MLIP: variants seen among roughly 807,000 people sequenced by gnomAD.
The protein encoded by MLIP is muscular LMNA interacting protein.
In MLIP, 79 loss-of-function variants were observed where a neutral mutation model predicts 84.8. The ratio of observed to expected loss-of-function variants is 0.93; its 90% CI spans 0.78 to 1.12. The LOEUF is 1.12. Ranked by LOEUF, MLIP falls within the 50% of genes most tolerant of loss-of-function variation. MLIP has a pLI of 0.00. For synonymous variants in MLIP, 504 were observed against 463.0 expected, an observed-to-expected ratio of 1.09 and a Z score of -1.14; for missense variants, 1,257 against 1,160.6, an observed-to-expected ratio of 1.08 and a Z score of -1.21.
intron 11 of MLIP, chr6:54,218,132 T>G: frequency 3.3e-6 from 1 of 301,424 alleles, no homozygotes; most frequent in Non-Finnish European, 4.9e-6. Context: ...GGGATATGTT[T>G]TGAGAAATGC....
At chr6:54,054,765 C>G (rs1024595827) in intron 1 of MLIP, among the ~76,000 whole-genome samples, 3 of 152,158 alleles carry the variant, frequency 2.0e-5, no homozygotes, top group African/African-American at 7.2e-5. Context: ...AGCATCTTTT[C>G]TCTAACGAGG....
chr6:54,250,020 C>A (rs1418438123), intron 12 of MLIP, among the ~76,000 whole-genome samples: 6 of 151,946 alleles, frequency 3.9e-5, no homozygotes, highest in Non-Finnish European at 7.4e-5. Context: ...TCATTTAGCT[C>A]CCACTTACAA....
chr6:54,262,293 T>C (rs761989038), intron 13 of MLIP, among the ~76,000 whole-genome samples: 1 of 152,036 alleles, frequency 6.6e-6, no homozygotes, highest in Non-Finnish European at 1.5e-5. Context: ...CAGAATGTGA[T>C]GTGCATCATA....
intron 11 of MLIP, among the ~76,000 whole-genome samples, chr6:54,203,322 CA>C (rs1472316115): frequency 6.6e-6 from 1 of 151,932 alleles, no homozygotes; most frequent in African/African-American, 2.4e-5. Context: ...GTAAGATATT[CA>C]GAAAACTTTC....
chr6:54,229,111 C>T (rs1349129006), intron 11 of MLIP, among the ~76,000 whole-genome samples: 1 of 152,080 alleles, frequency 6.6e-6, no homozygotes, highest in East Asian at 1.9e-4. Flanking sequence ...TCATAACTGG[C>T]AAAGAGGAGA....
upstream of MLIP, among the ~76,000 whole-genome samples, chr6:54,108,302 A>C (rs918224083): frequency 6.6e-6 from 1 of 152,242 alleles, no homozygotes; most frequent in Admixed American, 6.5e-5. Flanking sequence ...GGCAGACCAT[A>C]GATGACTTTT....
chr6:54,168,246 C>G (rs1311616728), intron 8 of MLIP, among the ~76,000 whole-genome samples: 5 of 151,908 alleles, frequency 3.3e-5, no homozygotes, highest in Middle Eastern at 3.4e-3. Flanking sequence ...CTACTCAACT[C>G]CCTTACTCCT....
intron 13 of MLIP, among the ~76,000 whole-genome samples, chr6:54,262,573 C>G (rs961949146): frequency 5.3e-5 from 8 of 152,054 alleles, no homozygotes; most frequent in African/African-American, 1.9e-4. Context: ...TTGAGCCAGG[C>G]TTGAGCTAAA....
chr6:54,137,318 C>T lies in MLIP; in HGVS notation c.1249C>T (p.Leu417Phe), dbSNP rs1582242171. The part of the protein sequence containing the change: ...KSPVPSRLAL[L>F]TAILKSNPSH... ...CCCGGTGCCTTCCCGGCTTGCCCTT[C>T]TCACTGCCATTCTCAAGTCAAACCC... The change falls in exon 4 of 14, where the codon CTC (leucine) becomes TTC (phenylalanine). Residue 417 changes from leucine to phenylalanine, a missense_variant. Leu to Phe is a conservative substitution (Grantham distance 22). Coordinates refer to ENST00000502396, the MANE Select transcript of MLIP (RefSeq NM_001281747.2). The T allele has an allele frequency of 6.5e-7, 1 of 1,536,078 alleles. No individual in the cohort carries two copies. The highest frequency in any genetic ancestry group is 8.7e-7 in the Non-Finnish European group (1 of 1,146,900).
At chr6:54,105,709 G>T (rs1156317322) in intron 1 of MLIP, among the ~76,000 whole-genome samples, 1 of 152,102 alleles carries the variant, frequency 6.6e-6, no homozygotes, top group East Asian at 1.9e-4. Context: ...ATATAAGGTG[G>T]TAAGGGATCT....
At chr6:54,186,165 C>G (rs535711752) in intron 9 of MLIP, among the ~76,000 whole-genome samples, 1 of 152,152 alleles carries the variant, frequency 6.6e-6, no homozygotes, top group Non-Finnish European at 1.5e-5. Flanking sequence ...TAACATGGAA[C>G]CATGAGGCTT....
intron 1 of MLIP, among the ~76,000 whole-genome samples, chr6:54,051,140 G>T (rs1373266280): frequency 6.6e-6 from 1 of 151,688 alleles, no homozygotes; most frequent in African/African-American, 2.4e-5. Context: ...CAACCTCCTT[G>T]TTGGACCTCG....
chr6:54,251,196 T>C (rs1259720871), intron 12 of MLIP, among the ~76,000 whole-genome samples: 1 of 151,796 alleles, frequency 6.6e-6, no homozygotes. Context: ...ACAAATTCAT[T>C]TCATCAATTT....
At chr6:54,046,899 A>G (rs563201452) in intron 1 of MLIP, 1 of 152,318 alleles carries the variant, frequency 6.6e-6, no homozygotes, top group African/African-American at 2.4e-5. Context: ...AAATGGCAGA[A>G]AGTTTGGAGG....
chr6:54,193,272 A>C (rs867858186), intron 10 of MLIP, among the ~76,000 whole-genome samples: 2 of 151,952 alleles, frequency 1.3e-5, no homozygotes, highest in African/African-American at 4.8e-5. Context: ...ATTCCCACCT[A>C]TTCACTGGAG....
chr6:54,224,541 A>G (rs1385577188), intron 11 of MLIP, among the ~76,000 whole-genome samples: 4 of 152,078 alleles, frequency 2.6e-5, no homozygotes, highest in Non-Finnish European at 4.4e-5. Flanking sequence ...ATGGAAATAC[A>G]TTCTGAGAAA....
chr6:54,203,225 T>A (rs1778812087), intron 11 of MLIP, among the ~76,000 whole-genome samples: 1 of 152,110 alleles, frequency 6.6e-6, no homozygotes, highest in South Asian at 2.1e-4. Flanking sequence ...ATAGCAGAGA[T>A]TTTAAATCTT....
chr6:54,215,351 T>A, intron 11 of MLIP: 1 of 1,310,742 alleles, frequency 7.6e-7, no homozygotes, highest in Non-Finnish European at 9.7e-7. Context: ...TGAACTTCAA[T>A]TTTATCCTAC....
At chr6:54,163,439 T>A (rs1207770741) in intron 8 of MLIP, among the ~76,000 whole-genome samples, 2 of 151,984 alleles carry the variant, frequency 1.3e-5, no homozygotes, top group African/African-American at 2.4e-5. Context: ...TTTATTTCTC[T>A]TGTTTTTTTC....
Sources: gnomAD v4.1 joint callset for allele counts (sites outside exome capture counted in the v4.1 genomes callset) on GRCh38, gnomAD v4.1.1 for gene constraint, MANE v1.5 for transcripts, NCBI Gene and HGNC (gene_info 2026-07-23, HGNC 2026-07-21) for gene names.